The following GRIN2B variants were observed in gnomAD, a reference collection of about 807,000 sequenced individuals.
GRIN2B encodes glutamate ionotropic receptor NMDA type subunit 2B.
In GRIN2B, 5 loss-of-function variants were observed where a neutral mutation model predicts 114.5. The observed-to-expected ratio is 0.04, with a 90% CI of 0.02 to 0.09. The LOEUF is 0.09. Ranked by LOEUF, GRIN2B falls within the 10% of genes least tolerant of loss-of-function variation. GRIN2B has a pLI of 1.00. For missense variants in GRIN2B, 1,108 were observed against 1,943.5 expected, an observed-to-expected ratio of 0.57 and a Z score of 8.08; for synonymous variants, 787 against 745.1, an observed-to-expected ratio of 1.06 and a Z score of -0.92.
At chr12:13,872,452 C>CT (rs1247407680) in intron 2 of GRIN2B, among the ~76,000 whole-genome samples, 3 of 105,846 alleles carry the variant, frequency 2.8e-5, no homozygotes, top group Non-Finnish European at 5.8e-5. Flanking sequence ...AAGGCTCCGA[C>CT]TCAAAAAAAA....
rs527472941 is a variant in GRIN2B, at chr12:13,708,000, C to G, written c.1011-32141G>C. On this transcript the variant is annotated intron_variant, in intron 4 of 13. Coordinates refer to ENST00000609686, the MANE Select transcript of GRIN2B (RefSeq NM_000834.5). ...TCTAAGCAAGGCTAGAAGCCTGATA[C>G]ATGTAGAGTTTGTTCAAGGAACAGG... Among the ~76,000 whole-genome samples, 4 of 107,120 alleles carry G rather than the reference C, an allele frequency of 3.7e-5. No homozygotes were observed. The East Asian group carries it at 8.8e-4, about 24-fold the overall frequency. 70.3% of individuals were successfully genotyped at this position (107,120 alleles called of 152,430 possible).
intron 3 of GRIN2B, among the ~76,000 whole-genome samples, chr12:13,827,248 GTT>G (rs1463990762): frequency 2.5e-5 from 1 of 40,488 alleles, no homozygotes; most frequent in Non-Finnish European, 5.0e-5. Context: ...TTTTTTTTGA[GTT>G]TGGGATTTAC....
intron 3 of GRIN2B, among the ~76,000 whole-genome samples, chr12:13,777,170 T>G (rs1864021146): frequency 6.6e-6 from 1 of 152,192 alleles, no homozygotes; most frequent in South Asian, 2.1e-4. Flanking sequence ...CCCTTTGGAA[T>G]GTCCCCTCCT....
At chr12:13,647,013 A>T (rs1334901874) in intron 5 of GRIN2B, among the ~76,000 whole-genome samples, 1 of 152,134 alleles carries the variant, frequency 6.6e-6, no homozygotes, top group East Asian at 1.9e-4. Flanking sequence ...AAATAGCCAC[A>T]AGCAAATGAA....
chr12:13,562,901 A>G lies in GRIN2B; in HGVS notation c.4337T>C (p.Ile1446Thr), dbSNP rs1301106301. Residue 1446 changes from isoleucine to threonine, a missense_variant, in exon 14 of 14, where the codon ATC (isoleucine) becomes ACC (threonine). By Grantham distance (89) the Ile-to-Thr change is moderately conservative. Around this residue, in one of 19 missense-constraint regions of GRIN2B, gnomAD observed 478 missense variants for 506.0 expected, o/e 0.94. Transcript: ENST00000609686. ...GGGGTTGGACTGGTTCCCTATACAG[A>G]TGTCCTTCTGGAAACGGGCTGGCAC... ...GAVPARFQKD[I>T]CIGNQSNPCV... The G allele has an allele frequency of 3.1e-6, 5 of 1,613,970 alleles. No homozygotes were observed. Among genetic ancestry groups the G allele is most frequent in the African/African-American group, 1.3e-5 (1 of 74,888 alleles).
In GRIN2B at chr12:13,753,556, G is replaced by A. The variant is rs142203984; in HGVS notation, c.771C>T (p.Ile257=). Residue 257 remains isoleucine, a synonymous_variant, in exon 4 of 14, where the codon ATC becomes ATT. Transcript: ENST00000609686. This position sits in a 1 kb window ranked among gnomAD's most constrained non-coding sequence, Gnocchi z 6.2. ...VGLTGYGYTW[I]VPSLVAGDTD... is the part of the protein sequence containing the mutation. The stretch of plus-strand genomic sequence containing the variant: ...TATCCCCTGCCACCAGACTGGGCAC[G>A]ATCCACGTGTAGCCATAGCCAGTCA... 227 of 1,614,142 alleles carry A rather than the reference G, an allele frequency of 1.4e-4. 1 individual carries two copies. Among genetic ancestry groups the A allele is most frequent in the East Asian group, 1.3e-3 (57 of 44,888 alleles).
At chr12:13,618,051 A>G (rs2136483500) in intron 5 of GRIN2B, among the ~76,000 whole-genome samples, 1 of 152,334 alleles carries the variant, frequency 6.6e-6, no homozygotes, top group Middle Eastern at 3.4e-3. Flanking sequence ...TTTGTTCAGA[A>G]TCATGCACTG....
At chr12:13,663,067 T>C (rs2300240) in intron 5 of GRIN2B, among the ~76,000 whole-genome samples, 9,803 of 152,196 alleles carry the variant, frequency 0.064, 412 homozygotes, top group East Asian at 0.17. Flanking sequence ...GTACTTCTAG[T>C]AGGTTCCCCG....
intron 2 of GRIN2B, among the ~76,000 whole-genome samples, chr12:13,964,751 C>T (rs1398267863): frequency 6.6e-6 from 1 of 152,170 alleles, no homozygotes; most frequent in African/African-American, 2.4e-5. Flanking sequence ...AGTGGGAAGG[C>T]AGCAAAGATG....
At chr12:13,878,052 A>G (rs1866016621) in intron 2 of GRIN2B, among the ~76,000 whole-genome samples, 1 of 123,538 alleles carries the variant, frequency 8.1e-6, no homozygotes, top group African/African-American at 3.2e-5. Flanking sequence ...TGACAGAGCA[A>G]GACTCTGTCT....
intron 2 of GRIN2B, among the ~76,000 whole-genome samples, chr12:13,935,568 G>T (rs991607914): frequency 6.6e-6 from 1 of 152,166 alleles, no homozygotes; most frequent in Non-Finnish European, 1.5e-5. Context: ...TGGATTTCCT[G>T]CCATGAGTTA....
intron 2 of GRIN2B, among the ~76,000 whole-genome samples, chr12:13,875,251 C>A (rs1408300342): frequency 6.6e-6 from 1 of 152,228 alleles, no homozygotes; most frequent in East Asian, 1.9e-4. Flanking sequence ...AATGGGCGGG[C>A]CCTGTGGCTC....
chr12:13,672,881 A>G (rs1029192571), intron 5 of GRIN2B, among the ~76,000 whole-genome samples: 1 of 152,186 alleles, frequency 6.6e-6, no homozygotes. Context: ...CAGCTACCGT[A>G]TCAAGGGCAA....
intron 4 of GRIN2B, among the ~76,000 whole-genome samples, chr12:13,685,633 C>T (rs1215168659): frequency 6.6e-6 from 1 of 152,066 alleles, no homozygotes; most frequent in East Asian, 1.9e-4. Flanking sequence ...GTATGTGAGA[C>T]AGAGAGAGTG....
At chr12:13,654,455 A>G (rs1305361614) in intron 5 of GRIN2B, among the ~76,000 whole-genome samples, 1 of 152,222 alleles carries the variant, frequency 6.6e-6, no homozygotes, top group African/African-American at 2.4e-5. Flanking sequence ...GACAGGAAGC[A>G]CATCTTTTAA....
intron 3 of GRIN2B, among the ~76,000 whole-genome samples, chr12:13,855,284 A>G (rs1189257526): frequency 6.6e-6 from 1 of 152,132 alleles, no homozygotes; most frequent in Non-Finnish European, 1.5e-5. Flanking sequence ...CTCTATTTGT[A>G]TCACTATTTT....
intron 5 of GRIN2B, among the ~76,000 whole-genome samples, chr12:13,649,882 T>C (rs1949798335): frequency 6.6e-6 from 1 of 152,130 alleles, no homozygotes; most frequent in Admixed American, 6.6e-5. Flanking sequence ...GCTAACAGTT[T>C]AACATTTCTA....
intron 3 of GRIN2B, among the ~76,000 whole-genome samples, chr12:13,834,047 T>C (rs1291111739): frequency 4.8e-5 from 5 of 103,732 alleles, no homozygotes; most frequent in Non-Finnish European, 8.3e-5. Context: ...TTTTTTTTTT[T>C]TGAGACGGAG....
At chr12:13,862,330 C>T (rs1425315774) in intron 3 of GRIN2B, among the ~76,000 whole-genome samples, 1 of 152,168 alleles carries the variant, frequency 6.6e-6, no homozygotes, top group Non-Finnish European at 1.5e-5. Flanking sequence ...TGAATACAAA[C>T]TTTATCCCTG....
Sources: gnomAD v4.1 joint callset for allele counts (sites outside exome capture counted in the v4.1 genomes callset) on GRCh38, gnomAD v4.1.1 for gene constraint, gnomAD v4.1.1 regional missense constraint, Gnocchi (gnomAD v3.1) non-coding constraint, MANE v1.5 for transcripts, NCBI Gene and HGNC (gene_info 2026-07-23, HGNC 2026-07-21) for gene names.